The following SCML2 variants were observed in gnomAD, a reference collection of about 807,000 sequenced individuals.
The protein encoded by SCML2 is Scm polycomb group protein like 2.
A neutral mutation model predicts 48.4 loss-of-function variants in SCML2; 6 were observed. That is an observed-to-expected ratio of 0.12 (90% CI 0.07 to 0.24). The LOEUF is 0.24. SCML2 is among the 10% of genes least tolerant of loss of function. The pLI, the probability that SCML2 is intolerant of heterozygous loss-of-function variation, is 1.00. For synonymous variants in SCML2, 181 were observed against 189.5 expected, an observed-to-expected ratio of 0.95 and a Z score of 0.37; for missense variants, 377 against 528.2, an observed-to-expected ratio of 0.71 and a Z score of 2.81.
At chrX:18,247,559 C>A (rs1471398789) in intron 12 of SCML2, among the ~76,000 whole-genome samples, 1 of 111,546 alleles carries the variant, frequency 9.0e-6, no homozygotes. Context: ...AAGGTTATTA[C>A]AATTTTTTTT....
chrX:18,284,089 A>C (rs1927959919), intron 7 of SCML2, among the ~76,000 whole-genome samples: 1 of 111,868 alleles, frequency 8.9e-6, no homozygotes, highest in Non-Finnish European at 1.9e-5. Context: ...GGAACAGAAC[A>C]GAAAACCCAG....
intron 7 of SCML2, among the ~76,000 whole-genome samples, chrX:18,299,411 G>A (rs1451900330): frequency 4.5e-5 from 5 of 110,355 alleles, no homozygotes; most frequent in Admixed American, 9.6e-5. Flanking sequence ...CCAACTACTC[G>A]AGAGGCTGAG....
intron 11 of SCML2, among the ~76,000 whole-genome samples, chrX:18,253,195 T>C (rs1693861194): frequency 9.0e-6 from 1 of 111,537 alleles, no homozygotes; most frequent in South Asian, 3.8e-4. Context: ...ACCTGAAGAA[T>C]AGCGAGGAAT....
chrX:18,290,942 G>A (rs1928211908), intron 7 of SCML2, among the ~76,000 whole-genome samples: 1 of 111,322 alleles, frequency 9.0e-6, no homozygotes, highest in African/African-American at 3.3e-5. Flanking sequence ...ATATGCACTG[G>A]AGACATGGGA....
chrX:18,299,692 C>A (rs375719601), intron 7 of SCML2, among the ~76,000 whole-genome samples: 13 of 101,858 alleles, frequency 1.3e-4, no homozygotes, highest in South Asian at 4.3e-4. Flanking sequence ...ATTAAAAAGA[C>A]AAAAAAAAAG....
At chrX:18,317,311 C>G (rs1296668898) in intron 6 of SCML2, among the ~76,000 whole-genome samples, 1 of 111,676 alleles carries the variant, frequency 9.0e-6, no homozygotes, top group Non-Finnish European at 1.9e-5. Flanking sequence ...CTGATCTAAA[C>G]AAGAATGTGG....
intron 7 of SCML2, among the ~76,000 whole-genome samples, chrX:18,266,933 C>T (rs1282674314): frequency 1.8e-5 from 2 of 112,288 alleles, no homozygotes; most frequent in Non-Finnish European, 3.8e-5. Flanking sequence ...CCTACTTACA[C>T]CAGCCTCTTT....
At chrX:18,332,173 TCAGTTACCTTAAGG>T (rs1260134382) in intron 2 of SCML2, among the ~76,000 whole-genome samples, 1 of 112,578 alleles carries the variant, frequency 8.9e-6, no homozygotes, top group Non-Finnish European at 1.9e-5. Flanking sequence ...CTTCAACCAT[TCAGTTACCTTAAGG>T]CACGGATCAC....
chrX:18,295,832 T>G (rs866054677), intron 7 of SCML2, among the ~76,000 whole-genome samples: 1 of 112,288 alleles, frequency 8.9e-6, no homozygotes, highest in East Asian at 2.8e-4. Flanking sequence ...GCCTAAGCCA[T>G]TGAGGAAATT....
chrX:18,323,844 A>G lies in SCML2; in HGVS notation c.397+15T>C. 8.7e-7 allele frequency: 1 copy of G among 1,146,794 alleles called. No individual in the cohort carries two copies. Among genetic ancestry groups the G allele is most frequent in the Non-Finnish European group, 1.2e-6 (1 of 836,928 alleles). The allele number at this position is 1,146,794 out of a possible 1,213,427, so 94.5% of individuals were successfully genotyped here. ...CATTAGAAAGAATACGCTATTTTTA[A>G]AACTTTCTTCTTACCTAGTGGAGGT... On this transcript the variant is annotated intron_variant, in intron 5 of 14. Coordinates refer to ENST00000251900, the MANE Select transcript of SCML2 (RefSeq NM_006089.3).
chrX:18,280,977 A>G (rs1354166486), intron 7 of SCML2, among the ~76,000 whole-genome samples: 1 of 112,941 alleles, frequency 8.9e-6, no homozygotes, highest in Non-Finnish European at 1.9e-5. Flanking sequence ...TTCTAGACTT[A>G]AACTCAACAC....
chrX:18,252,748 T>C (rs953026432), intron 11 of SCML2, among the ~76,000 whole-genome samples: 3 of 112,246 alleles, frequency 2.7e-5, no homozygotes, highest in Non-Finnish European at 5.6e-5. Flanking sequence ...ACAGTGAAAA[T>C]AGAACTTGAC....
intron 3 of SCML2, among the ~76,000 whole-genome samples, chrX:18,326,656 G>A (rs1399619540): frequency 2.9e-5 from 3 of 102,457 alleles, no homozygotes; most frequent in Non-Finnish European, 6.0e-5. Context: ...CTCCAGCCTG[G>A]GCAACAGAAC....
chrX:18,305,286 A>T, intron 6 of SCML2, 71 bp from the exon 7 acceptor site: 1 of 1,031,529 alleles, frequency 9.7e-7, no homozygotes, highest in Non-Finnish European at 1.3e-6. Flanking sequence ...TCGAAGTGAA[A>T]AGTTGCGTAT....
At chrX:18,268,541 A>C (rs1404284481) in intron 7 of SCML2, among the ~76,000 whole-genome samples, 2 of 110,460 alleles carry the variant, frequency 1.8e-5, no homozygotes, top group African/African-American at 6.6e-5. Context: ...AAAAAAAAAA[A>C]AAATCCCATT....
At chrX:18,272,302 GC>G (rs1927488582) in intron 7 of SCML2, among the ~76,000 whole-genome samples, 1 of 112,016 alleles carries the variant, frequency 8.9e-6, no homozygotes, top group Non-Finnish European at 1.9e-5. Flanking sequence ...CTTATTTTCA[GC>G]AACAACAAAA....
At chrX:18,345,014 A>G (rs907091771) in intron 1 of SCML2, among the ~76,000 whole-genome samples, 1 of 111,210 alleles carries the variant, frequency 9.0e-6, no homozygotes, top group African/African-American at 3.3e-5. Context: ...ATTTTTTCTT[A>G]TCTAAAGCTT....
intron 7 of SCML2, among the ~76,000 whole-genome samples, chrX:18,287,220 C>T (rs982267465): frequency 8.9e-6 from 1 of 112,053 alleles, no homozygotes; most frequent in African/African-American, 3.2e-5. Flanking sequence ...GTAAAGATTT[C>T]GTTTAAATTA....
intron 1 of SCML2, among the ~76,000 whole-genome samples, chrX:18,336,796 A>C (rs1232523188): frequency 9.1e-6 from 1 of 109,451 alleles, no homozygotes; most frequent in African/African-American, 3.5e-5. Context: ...TTAAAAGCAG[A>C]CTTAGATTCG....
Sources: gnomAD v4.1 joint callset for allele counts (sites outside exome capture counted in the v4.1 genomes callset) on GRCh38, gnomAD v4.1.1 for gene constraint, MANE v1.5 for transcripts, NCBI Gene and HGNC (gene_info 2026-07-23, HGNC 2026-07-21) for gene names.